Variants in INPP4B observed in about 807,000 individuals in gnomAD.
The protein encoded by INPP4B is inositol polyphosphate 4-phosphatase type II.
INPP4B carries 55 observed loss-of-function variants against 122.5 expected under a neutral mutation model. The ratio of observed to expected loss-of-function variants is 0.45; its 90% confidence interval spans 0.36 to 0.56. INPP4B has a LOEUF of 0.56. INPP4B is among the 20% of genes least tolerant of loss of function. The pLI, the probability that INPP4B is intolerant of heterozygous loss-of-function variation, is 0.00. For missense variants in INPP4B, 1,000 were observed against 1,097.7 expected (o/e 0.91, Z 1.26); for synonymous variants, 403 against 388.7 (o/e 1.04, Z -0.43).
At chr4:142,094,761 C>T (rs1266058633) in intron 23 of INPP4B, among the ~76,000 whole-genome samples, 3 of 152,164 alleles carry the variant, frequency 2.0e-5, no homozygotes, top group Non-Finnish European at 4.4e-5. Flanking sequence ...CCAATAGTCA[C>T]AGTATGTGGC....
At chr4:142,783,652 A>G (rs1421465087) in intron 1 of INPP4B, among the ~76,000 whole-genome samples, 2 of 152,154 alleles carry the variant, frequency 1.3e-5, no homozygotes, top group Admixed American at 6.6e-5. Context: ...GATTATGATA[A>G]ACAGAAATTT....
At chr4:142,568,074 C>T (rs1253019176) in intron 2 of INPP4B, among the ~76,000 whole-genome samples, 1 of 152,078 alleles carries the variant, frequency 6.6e-6, no homozygotes, top group African/African-American at 2.4e-5. Context: ...CAAGGCTGAA[C>T]CTTTCCCCTC....
At chr4:142,147,755 C>G (rs1405219166) in intron 17 of INPP4B, among the ~76,000 whole-genome samples, 1 of 152,164 alleles carries the variant, frequency 6.6e-6, no homozygotes, top group African/African-American at 2.4e-5. Flanking sequence ...AATCTTTCCC[C>G]TAAAGTCAGA....
intron 2 of INPP4B, chr4:142,566,283 T>C (rs919585058): frequency 1.3e-5 from 2 of 152,148 alleles, no homozygotes; most frequent in African/African-American, 4.8e-5. Context: ...CACATAGTCA[T>C]AATAATCTCA....
intron 1 of INPP4B, among the ~76,000 whole-genome samples, chr4:142,824,055 C>G (rs907916509): frequency 6.6e-6 from 1 of 152,048 alleles, no homozygotes; most frequent in Non-Finnish European, 1.5e-5. Flanking sequence ...CTGGGACATT[C>G]ATCTCCTCCT....
At chr4:142,609,215 T>A in intron 2 of INPP4B, among the ~76,000 whole-genome samples, 1 of 151,422 alleles carries the variant, frequency 6.6e-6, no homozygotes, top group Non-Finnish European at 1.5e-5. Context: ...TATTTATATT[T>A]AAACATAAAT....
chr4:142,509,712 A>T (rs926981780), intron 2 of INPP4B, among the ~76,000 whole-genome samples: 3 of 152,192 alleles, frequency 2.0e-5, no homozygotes, highest in Admixed American at 2.0e-4. Flanking sequence ...AATATGATGG[A>T]TTAAAGACTT....
chr4:142,506,279 C>G (rs1824014911), intron 2 of INPP4B, among the ~76,000 whole-genome samples: 1 of 152,076 alleles, frequency 6.6e-6, no homozygotes, highest in South Asian at 2.1e-4. Context: ...AATGTTCACA[C>G]ATTCTATAGA....
intron 7 of INPP4B, among the ~76,000 whole-genome samples, chr4:142,366,708 G>A (rs1211900205): frequency 6.6e-6 from 1 of 152,092 alleles, no homozygotes; most frequent in Non-Finnish European, 1.5e-5. Context: ...GTTGGGGATT[G>A]CTCTAGACCC....
At chr4:142,223,758 T>G (rs551248530) in intron 12 of INPP4B, among the ~76,000 whole-genome samples, 32 of 152,266 alleles carry the variant, frequency 2.1e-4, no homozygotes, top group South Asian at 8.3e-4. Flanking sequence ...GCATCAACAT[T>G]GCATAAAGAA....
At chr4:142,486,694 T>A (rs1821240918) in intron 2 of INPP4B, among the ~76,000 whole-genome samples, 1 of 152,204 alleles carries the variant, frequency 6.6e-6, no homozygotes, top group African/African-American at 2.4e-5. Flanking sequence ...CTGTACAGCA[T>A]TAGAAAAATA....
intron 9 of INPP4B, among the ~76,000 whole-genome samples, chr4:142,294,421 A>G (rs1757694051): frequency 6.6e-6 from 1 of 152,048 alleles, no homozygotes; most frequent in Admixed American, 6.5e-5. Flanking sequence ...AGACCTTCTC[A>G]CTGACATGCC....
chr4:142,293,377 T>C (rs1757264637), intron 9 of INPP4B, among the ~76,000 whole-genome samples: 1 of 152,044 alleles, frequency 6.6e-6, no homozygotes, highest in Admixed American at 6.5e-5. Flanking sequence ...ACCACAAAAC[T>C]ATAGGCTGGA....
intron 5 of INPP4B, among the ~76,000 whole-genome samples, chr4:142,415,553 T>A (rs1805529698): frequency 6.6e-6 from 1 of 151,978 alleles, no homozygotes; most frequent in South Asian, 2.1e-4. Flanking sequence ...ACACTGTTGG[T>A]GGGACTGTAA....
chr4:142,049,636 C>T (rs1048635436), intron 25 of INPP4B, among the ~76,000 whole-genome samples: 4 of 151,612 alleles, frequency 2.6e-5, no homozygotes, highest in Admixed American at 1.3e-4. Flanking sequence ...TTTAAAAAAG[C>T]AACAATAATA....
At chr4:142,106,301 C>CA (rs1480932407) in intron 23 of INPP4B, among the ~76,000 whole-genome samples, 14 of 152,200 alleles carry the variant, frequency 9.2e-5, no homozygotes, top group Admixed American at 9.2e-4. Context: ...TATTTTGAGA[C>CA]AGAGTCTCAC....
intron 2 of INPP4B, among the ~76,000 whole-genome samples, chr4:142,691,054 C>T (rs986687113): frequency 2.6e-5 from 4 of 152,170 alleles, no homozygotes; most frequent in African/African-American, 9.6e-5. Context: ...CTTGACAGCA[C>T]TAAGAACTCG....
At chr4:142,165,638 T>C (rs949731597) in intron 16 of INPP4B, among the ~76,000 whole-genome samples, 2 of 151,812 alleles carry the variant, frequency 1.3e-5, no homozygotes, top group African/African-American at 2.4e-5. Context: ...ACTCAGCCTA[T>C]GTATTGTTAT....
In INPP4B at chr4:142,028,422, A is replaced by T. The variant is rs187422807; in HGVS notation, c.*360T>A. 1.2e-5 allele frequency: 3 copies of T among 246,404 alleles called. No individual in the cohort carries two copies. Among genetic ancestry groups the T allele is most frequent in the Non-Finnish European group, 2.4e-5 (3 of 127,484 alleles). 15.3% of individuals were successfully genotyped at this position (246,404 alleles called of 1,614,324 possible). A position where few individuals can be genotyped will look rare whatever the true frequency, so the allele number is the denominator to read the frequency against. The stretch of plus-strand genomic sequence containing the variant: ...CCTCTCCTCTCTTCCATTTGGTTGG[A>T]GAGTGGTGCTCTGTGAATCACCCCT... On this transcript the variant is annotated 3_prime_UTR_variant, in exon 26 of 26. Coordinates refer to ENST00000262992, the MANE Select transcript of INPP4B (RefSeq NM_001101669.3).
Sources: allele counts gnomAD v4.1 joint callset (sites outside exome capture counted in the v4.1 genomes callset), GRCh38; gene constraint gnomAD v4.1.1; transcripts MANE v1.5; gene names NCBI Gene and HGNC (gene_info 2026-07-23, HGNC 2026-07-21).